The following VPS54 variants were observed in gnomAD, a reference collection of about 807,000 sequenced individuals.
VPS54 encodes the protein vacuolar protein sorting-associated protein 54.
A neutral mutation model predicts 121.5 loss-of-function variants in VPS54; 45 were observed. The observed-to-expected ratio is 0.37, with a 90% CI of 0.29 to 0.47. The LOEUF (loss-of-function observed/expected upper bound fraction) is 0.47. VPS54 is among the 20% of genes least tolerant of loss of function. The probability of loss-of-function intolerance (pLI) is 0.99; values close to 1 mark genes in which losing one functional copy is unlikely to be tolerated. For missense variants in VPS54, 1,090 were observed against 1,131.4 expected, an observed-to-expected ratio of 0.96 and a Z score of 0.52; for synonymous variants, 371 against 385.8, an observed-to-expected ratio of 0.96 and a Z score of 0.45.
intron 1 of VPS54, among the ~76,000 whole-genome samples, chr2:63,998,810 A>G (rs1001808387): frequency 6.6e-6 from 1 of 152,042 alleles, no homozygotes; most frequent in African/African-American, 2.4e-5. Flanking sequence ...TAATTTCTCT[A>G]ATTAAGGCTA....
chr2:63,913,811 G>A (rs1348004507), intron 17 of VPS54: 2 of 1,030,614 alleles, frequency 1.9e-6, no homozygotes, highest in Non-Finnish European at 2.3e-6. Flanking sequence ...AATGATGCAA[G>A]AAAAATCTCT....
In VPS54 at chr2:63,967,415, G is replaced by A. The variant is rs745495850; in HGVS notation, c.493-1449C>T. On this transcript the variant is annotated intron_variant, in intron 5 of 22. Coordinates refer to ENST00000272322, the MANE Select transcript of VPS54 (RefSeq NM_016516.3). ...CATGAAGCTTCAATCCAAGGGATGT[G>A]ATAAAATATTATAAGGAGACTGGGC... Among the ~76,000 whole-genome samples, 8 of 152,188 alleles carry A rather than the reference G, an allele frequency of 5.3e-5. 1 individual carries two copies. The highest frequency in any genetic ancestry group is 4.1e-4 in the South Asian group (2 of 4,822).
intron 4 of VPS54, among the ~76,000 whole-genome samples, chr2:63,970,650 C>T (rs900222211): frequency 3.9e-5 from 6 of 152,204 alleles, no homozygotes; most frequent in African/African-American, 1.4e-4. Flanking sequence ...TACAGACCAA[C>T]TAACTGTTCT....
At position 63,957,701 on chromosome 2, in the gene VPS54, G is replaced by T. The variant is rs562331311; in HGVS notation, c.1010+4357C>A. On this transcript the variant is annotated intron_variant, in intron 7 of 22. Transcript: ENST00000272322. ...AAACCTCTTTGAATAGAGACAGGAAGATGTGTTAGTTGAAAATTTCATTTT... is the reference window on the plus strand; with the variant it reads ...AAACCTCTTTGAATAGAGACAGGAATATGTGTTAGTTGAAAATTTCATTTT... Among the ~76,000 whole-genome samples the T allele has an allele frequency of 1.4e-3, 217 of 152,276 alleles. 1 individual carries two copies. Among genetic ancestry groups the T allele is most frequent in the African/African-American group, 5.1e-3 (211 of 41,566 alleles).
At chr2:64,003,692 A>C (rs1345148350) in intron 1 of VPS54, among the ~76,000 whole-genome samples, 1 of 152,170 alleles carries the variant, frequency 6.6e-6, no homozygotes, top group Non-Finnish European at 1.5e-5. Context: ...GCTAATAAGG[A>C]AAAGAAAAAA....
At chr2:64,006,395 T>C (rs945122796) in intron 1 of VPS54, among the ~76,000 whole-genome samples, 11 of 152,362 alleles carry the variant, frequency 7.2e-5, no homozygotes, top group South Asian at 6.2e-4. Context: ...TAAAACGATA[T>C]ACTAGTTAAG....
At chr2:63,943,879 C>T (rs1674853828) in intron 10 of VPS54, among the ~76,000 whole-genome samples, 1 of 151,622 alleles carries the variant, frequency 6.6e-6, no homozygotes, top group African/African-American at 2.4e-5. Flanking sequence ...CATGTGCCAC[C>T]ATGCCCAACT....
At position 63,981,905 on chromosome 2, in the gene VPS54, G is replaced by A; in HGVS notation, c.137-18C>T. 2 of 1,603,350 alleles carry A rather than the reference G, an allele frequency of 1.2e-6. No individual in the cohort carries two copies. Among genetic ancestry groups the A allele is most frequent in the Non-Finnish European group, 1.7e-6 (2 of 1,175,316 alleles). On this transcript the variant is annotated intron_variant, in intron 2 of 22. Transcript: ENST00000272322. ...TGAATCACCTGCAAAAAGTAAACAA[G>A]AGAACTCTGTAAATGCTGTAAAATT...
At chr2:63,974,260 T>C (rs1676416655) in intron 3 of VPS54, among the ~76,000 whole-genome samples, 1 of 152,200 alleles carries the variant, frequency 6.6e-6, no homozygotes, top group African/African-American at 2.4e-5. Flanking sequence ...ATCAGTTGAT[T>C]GTATTTGTGT....
chr2:63,923,200 C>T (rs1273434900), intron 12 of VPS54, among the ~76,000 whole-genome samples: 2 of 151,812 alleles, frequency 1.3e-5, no homozygotes, highest in African/African-American at 4.8e-5. Context: ...CCTGTAGTCC[C>T]AGCTACTTGG....
intron 8 of VPS54, 103 bp from the exon 9 acceptor site, chr2:63,947,593 C>A: frequency 1.0e-6 from 1 of 975,876 alleles, no homozygotes; most frequent in Non-Finnish European, 1.4e-6. Context: ...CCTCAGATCT[C>A]TATCCTGCAC....
chr2:63,940,434 T>C lies in VPS54; in HGVS notation c.1398+2031A>G, dbSNP rs181366355. Among the ~76,000 whole-genome samples the C allele has an allele frequency of 7.2e-5, 11 of 152,262 alleles. No homozygotes were observed. In the East Asian group the frequency reaches 2.1e-3, roughly 29 times the overall value. ...AATCAGTTTTCATATAGCACATACA[T>C]AAAATAATAACTCTACTTAGTTTAA... On this transcript the variant is annotated intron_variant, in intron 11 of 22. Coordinates refer to ENST00000272322, the MANE Select transcript of VPS54 (RefSeq NM_016516.3).
chr2:63,979,864 T>C (rs973741598), intron 3 of VPS54, among the ~76,000 whole-genome samples: 6 of 152,208 alleles, frequency 3.9e-5, no homozygotes, highest in Non-Finnish European at 7.3e-5. Context: ...TAAAGTCTTC[T>C]AAATGTATTA....
chr2:63,985,678 T>TACAC (rs1491189848), intron 1 of VPS54, among the ~76,000 whole-genome samples: 215 of 101,770 alleles, frequency 2.1e-3, no homozygotes, highest in African/African-American at 0.011. Flanking sequence ...AGTGACAAAT[T>TACAC]ATACACACAC....
chr2:63,978,024 C>T (rs560476696), intron 3 of VPS54, among the ~76,000 whole-genome samples: 151 of 152,200 alleles, frequency 9.9e-4, no homozygotes, highest in Non-Finnish European at 1.8e-3. Flanking sequence ...AAGCACCCCA[C>T]TGATGTGGTG....
intron 1 of VPS54, among the ~76,000 whole-genome samples, chr2:63,987,629 T>A (rs1322922734): frequency 6.6e-6 from 1 of 152,138 alleles, no homozygotes; most frequent in Non-Finnish European, 1.5e-5. Flanking sequence ...TATGGACATT[T>A]TAACAATATT....
At chr2:63,950,885 T>C (rs1236976130) in intron 7 of VPS54, among the ~76,000 whole-genome samples, 1 of 152,212 alleles carries the variant, frequency 6.6e-6, no homozygotes, top group Non-Finnish European at 1.5e-5. Flanking sequence ...AGGAACTCAT[T>C]TGCTGCCTCT....
At chr2:63,994,014 G>C (rs1249697011) in intron 1 of VPS54, among the ~76,000 whole-genome samples, 1 of 152,158 alleles carries the variant, frequency 6.6e-6, no homozygotes, top group East Asian at 1.9e-4. Context: ...GTCACCAGGA[G>C]ATCATCAAAG....
chr2:63,994,273 C>T (rs765529854), intron 1 of VPS54, among the ~76,000 whole-genome samples: 6 of 152,324 alleles, frequency 3.9e-5, no homozygotes, highest in African/African-American at 7.2e-5. Flanking sequence ...CTTCCTCTTT[C>T]GGCACTGAAT....
Sources: allele counts gnomAD v4.1 joint callset (sites outside exome capture counted in the v4.1 genomes callset), GRCh38; gene constraint gnomAD v4.1.1; transcripts MANE v1.5; gene names NCBI Gene and HGNC (gene_info 2026-07-23, HGNC 2026-07-21).